The following FHOD3 variants were observed in gnomAD, a reference collection of about 807,000 sequenced individuals.
FHOD3 encodes FH1/FH2 domain-containing protein 3.
Under a neutral mutation model 173.0 loss-of-function variants are expected in FHOD3, and 90 were observed. That is an observed-to-expected ratio of 0.52 (90% CI 0.44 to 0.62). FHOD3 has a LOEUF of 0.62. Ranked by LOEUF, FHOD3 falls within the 20% of genes least tolerant of loss-of-function variation. FHOD3 has a pLI of 0.00. For missense variants in FHOD3, 1,945 were observed against 2,034.7 expected, an observed-to-expected ratio of 0.96 and a Z score of 0.85; for synonymous variants, 828 against 823.0, an observed-to-expected ratio of 1.01 and a Z score of -0.10.
chr18:36,610,959 G>A (rs1336365308), intron 8 of FHOD3, among the ~76,000 whole-genome samples: 1 of 152,158 alleles, frequency 6.6e-6, no homozygotes, highest in Non-Finnish European at 1.5e-5. Context: ...ATAAGATAAA[G>A]GGCTTGCAGT....
intron 5 of FHOD3, among the ~76,000 whole-genome samples, chr18:36,561,573 A>G (rs749236635): frequency 9.9e-5 from 15 of 152,242 alleles, no homozygotes; most frequent in Non-Finnish European, 1.6e-4. Context: ...TGGATATATC[A>G]TAAAAACACG....
At chr18:36,763,749 G>A (rs77151993) in intron 27 of FHOD3, among the ~76,000 whole-genome samples, 3,569 of 151,888 alleles carry the variant, frequency 0.023, 118 homozygotes, top group African/African-American at 0.082. Context: ...GCTTGAAGAA[G>A]GGCTTCCTCC....
At chr18:36,706,890 T>G (rs4799882) in intron 17 of FHOD3, among the ~76,000 whole-genome samples, 48,359 of 152,000 alleles carry the variant, frequency 0.32, 7,943 homozygotes, top group South Asian at 0.48. Context: ...CAAAAACATG[T>G]GCTTTCTGTC....
chr18:36,611,048 A>G lies in FHOD3; in HGVS notation c.814-904A>G, dbSNP rs527443952. 4.6e-5 allele frequency among the ~76,000 whole-genome samples: 7 copies of G among 152,336 alleles called. No individual in the cohort carries two copies. In the East Asian group the frequency reaches 1.3e-3, roughly 29 times the overall value. ...TTCTCTTAAGAGAGGTAGAATTCAA[A>G]GAGAAGTCAGCTTTTTCTTTCTTGG... On this transcript the variant is annotated intron_variant, in intron 8 of 28. Transcript: ENST00000590592.
At chr18:36,610,902 C>T (rs1055668620) in intron 8 of FHOD3, among the ~76,000 whole-genome samples, 2 of 152,250 alleles carry the variant, frequency 1.3e-5, no homozygotes, top group African/African-American at 2.4e-5. Flanking sequence ...CCAGTGTCTT[C>T]AGTCGCTTCC....
chr18:36,536,352 T>C (rs2056991877), intron 5 of FHOD3, among the ~76,000 whole-genome samples: 1 of 152,272 alleles, frequency 6.6e-6, no homozygotes, highest in South Asian at 2.1e-4. Context: ...ACTTTGATTT[T>C]AAACCATTGC....
At chr18:36,728,754 G>C (rs2041201781) in intron 19 of FHOD3, among the ~76,000 whole-genome samples, 1 of 152,212 alleles carries the variant, frequency 6.6e-6, no homozygotes, top group African/African-American at 2.4e-5. Context: ...GGCTACAGCA[G>C]AACAGTTTCT....
chr18:36,515,272 C>T (rs1231056395), intron 5 of FHOD3, among the ~76,000 whole-genome samples: 4 of 152,044 alleles, frequency 2.6e-5, no homozygotes, highest in Non-Finnish European at 4.4e-5. Context: ...GGCTGGAGTA[C>T]AGTGGTGCCA....
intron 1 of FHOD3, among the ~76,000 whole-genome samples, chr18:36,330,999 C>T (rs2044975034): frequency 6.6e-6 from 1 of 152,152 alleles, no homozygotes; most frequent in African/African-American, 2.4e-5. Context: ...CCCAGGCGCT[C>T]TCCTGCCATT....
At chr18:36,655,756 C>T (rs995534746) in intron 13 of FHOD3, among the ~76,000 whole-genome samples, 1 of 137,968 alleles carries the variant, frequency 7.2e-6, no homozygotes, top group Admixed American at 7.7e-5. Context: ...CACACACACA[C>T]ACACACACAC....
intron 16 of FHOD3, among the ~76,000 whole-genome samples, chr18:36,691,901 T>A (rs992312870): frequency 6.6e-6 from 1 of 152,254 alleles, no homozygotes; most frequent in African/African-American, 2.4e-5. Flanking sequence ...TATTATTTGC[T>A]TTTTGAAAAC....
intron 5 of FHOD3, among the ~76,000 whole-genome samples, chr18:36,529,683 C>T (rs2056694844): frequency 2.0e-5 from 3 of 151,952 alleles, no homozygotes; most frequent in Admixed American, 2.0e-4. Context: ...GCCTGTAATC[C>T]CAGCTACTCG....
At chr18:36,586,085 G>T (rs975580915) in intron 6 of FHOD3, among the ~76,000 whole-genome samples, 1 of 152,156 alleles carries the variant, frequency 6.6e-6, no homozygotes, top group African/African-American at 2.4e-5. Flanking sequence ...GGTTTTAGCT[G>T]TTCATTTTCA....
chr18:36,321,561 A>G (rs777124798), intron 1 of FHOD3, among the ~76,000 whole-genome samples: 1 of 152,162 alleles, frequency 6.6e-6, no homozygotes, highest in Non-Finnish European at 1.5e-5. Context: ...TGGAGTATAT[A>G]GAGTGTTGCT....
intron 7 of FHOD3, among the ~76,000 whole-genome samples, chr18:36,599,388 A>G (rs535192235): frequency 1.3e-5 from 2 of 152,352 alleles, no homozygotes; most frequent in South Asian, 4.1e-4. Context: ...AAATTCAGCC[A>G]TCCTTTCAAG....
chr18:36,742,666 C>A, intron 21 of FHOD3, 71 bp from the exon 22 acceptor site: 2 of 1,525,868 alleles, frequency 1.3e-6, no homozygotes, highest in Non-Finnish European at 1.8e-6. Flanking sequence ...TTCCCTTATA[C>A]AAAAAGTCAG....
chr18:36,328,010 C>T (rs2044765164), intron 1 of FHOD3, among the ~76,000 whole-genome samples: 1 of 152,140 alleles, frequency 6.6e-6, no homozygotes, highest in African/African-American at 2.4e-5. Flanking sequence ...TAGGTGTTTC[C>T]ACTTCTCTGT....
In FHOD3 at chr18:36,454,108, G is replaced by T. The variant is rs1599183430; in HGVS notation, c.338-47824G>T. ...TATGGATCATGAGAGCTCGGGCAGT[G>T]TTGTAATGCTGAGATAAGCAGGCAG... On this transcript the variant is annotated intron_variant, in intron 3 of 28. Coordinates refer to ENST00000590592, the MANE Select transcript of FHOD3 (RefSeq NM_001281740.3). 3.9e-5 allele frequency among the ~76,000 whole-genome samples: 6 copies of T among 152,276 alleles called. No homozygotes were observed. In the South Asian group the frequency reaches 1.2e-3, roughly 32 times the overall value.
chr18:36,706,239 C>T (rs745979102), intron 17 of FHOD3, among the ~76,000 whole-genome samples: 1 of 152,080 alleles, frequency 6.6e-6, no homozygotes, highest in Non-Finnish European at 1.5e-5. Context: ...AGGGCTCTGC[C>T]GTGGACCCTG....
Sources: gnomAD v4.1 joint callset for allele counts (sites outside exome capture counted in the v4.1 genomes callset) on GRCh38, gnomAD v4.1.1 for gene constraint, MANE v1.5 for transcripts, NCBI Gene and HGNC (gene_info 2026-07-23, HGNC 2026-07-21) for gene names.